Variants in PHLPP2 observed in about 807,000 individuals in gnomAD.
PHLPP2 encodes the protein PH domain leucine-rich repeat-containing protein phosphatase 2.
PHLPP2 carries 66 observed loss-of-function variants against 124.9 expected under a neutral mutation model. The observed-to-expected ratio is 0.53, with a 90% CI of 0.43 to 0.65. The LOEUF (loss-of-function observed/expected upper bound fraction) is 0.65, where lower values mean the gene tolerates loss of function less well. Among genes scored for constraint, PHLPP2 ranks in the 30% least tolerant of loss-of-function variants. The pLI is 0.00. For missense variants in PHLPP2, 1,685 were observed against 1,600.4 expected, an observed-to-expected ratio of 1.05 and a Z score of -0.90; for synonymous variants, 681 against 624.7, an observed-to-expected ratio of 1.09 and a Z score of -1.34.
intron 3 of PHLPP2, among the ~76,000 whole-genome samples, chr16:71,694,941 C>T (rs1026187864): frequency 1.1e-4 from 16 of 152,110 alleles, no homozygotes; most frequent in African/African-American, 2.9e-4. Context: ...CCTGCCACCA[C>T]GCCCGGCTAA....
intron 3 of PHLPP2, among the ~76,000 whole-genome samples, chr16:71,700,169 G>A (rs1407741409): frequency 6.6e-6 from 1 of 152,148 alleles, no homozygotes; most frequent in East Asian, 1.9e-4. Context: ...GGCCAAGATA[G>A]GAGGATCACT....
intron 2 of PHLPP2, among the ~76,000 whole-genome samples, chr16:71,707,601 T>C (rs2045286692): frequency 6.6e-6 from 1 of 152,100 alleles, no homozygotes; most frequent in Non-Finnish European, 1.5e-5. Context: ...ATAAAAACAT[T>C]GTACTGAACA....
intron 4 of PHLPP2, among the ~76,000 whole-genome samples, chr16:71,685,734 G>C (rs2045048980): frequency 1.3e-5 from 2 of 152,024 alleles, no homozygotes; most frequent in South Asian, 4.1e-4. Flanking sequence ...ATTTTATTTT[G>C]GAATGCTTGA....
rs1044457559 is a variant in PHLPP2 at position 71,646,652 on chromosome 16, T to C, written c.*2238A>G. On this transcript the variant is annotated 3_prime_UTR_variant, in exon 19 of 19. Transcript: ENST00000568954. Reference sequence around the variant, plus strand: ...GGTTCTGCCATCTAAGTAAGATGTTTTACATCACTCATCACTATCATCCTG... The same window carrying C: ...GGTTCTGCCATCTAAGTAAGATGTTCTACATCACTCATCACTATCATCCTG... 59 of 151,094 alleles carry C rather than the reference T, an allele frequency of 3.9e-4. No individual in the cohort carries two copies. The highest frequency in any genetic ancestry group is 3.4e-3 in the Middle Eastern group (1 of 290). The allele number at this position is 151,094 out of a possible 1,614,324, so 9.4% of individuals were successfully genotyped here. A position where few individuals can be genotyped will look rare whatever the true frequency, so the allele number is the denominator to read the frequency against.
At position 71,648,816 on chromosome 16, in the gene PHLPP2, G is replaced by A. The variant is rs1183052242; in HGVS notation, c.*74C>T. 23 of 1,005,780 alleles carry A rather than the reference G, an allele frequency of 2.3e-5. No homozygotes were observed. The East Asian group carries it at 5.3e-4, about 23-fold the overall frequency. 62.3% of individuals were successfully genotyped at this position (1,005,780 alleles called of 1,614,324 possible). A position where few individuals can be genotyped will look rare whatever the true frequency, so the allele number is the denominator to read the frequency against. On this transcript the variant is annotated 3_prime_UTR_variant, in exon 19 of 19. Transcript: ENST00000568954. ...AAACGAACAAACAAAAAGAAATGTA[G>A]AGGCAGAATGCCTCTAGCAAGTCCC...
In PHLPP2 at chr16:71,648,643, G is replaced by T. The variant is rs1050837431; in HGVS notation, c.*247C>A. 6 of 481,820 alleles carry T rather than the reference G, an allele frequency of 1.2e-5. No homozygotes were observed. Among genetic ancestry groups the T allele is most frequent in the East Asian group, 3.1e-5 (1 of 32,356 alleles). 29.8% of individuals were successfully genotyped at this position (481,820 alleles called of 1,614,324 possible). On this transcript the variant is annotated 3_prime_UTR_variant, in exon 19 of 19. Coordinates refer to ENST00000568954, the MANE Select transcript of PHLPP2 (RefSeq NM_015020.3). Reference sequence around the variant, plus strand: ...AAAACTTAGCCGGGCATAATGGCAGGTGCCTGTAATCCCAGCTACTCGGGA... The same window carrying T: ...AAAACTTAGCCGGGCATAATGGCAGTTGCCTGTAATCCCAGCTACTCGGGA...
intron 3 of PHLPP2, among the ~76,000 whole-genome samples, chr16:71,697,792 G>T (rs2045187979): frequency 6.6e-6 from 1 of 150,682 alleles, no homozygotes; most frequent in Non-Finnish European, 1.5e-5. Context: ...CAAATAAGAG[G>T]TTTGCTCTTT....
At chr16:71,663,300 A>C (rs2044809500) in intron 13 of PHLPP2, among the ~76,000 whole-genome samples, 1 of 152,152 alleles carries the variant, frequency 6.6e-6, no homozygotes, top group African/African-American at 2.4e-5. Context: ...TTTAGTAGAG[A>C]TGGGGTTTCA....
intron 3 of PHLPP2, among the ~76,000 whole-genome samples, chr16:71,692,858 T>G (rs1159065546): frequency 6.6e-6 from 1 of 152,192 alleles, no homozygotes; most frequent in African/African-American, 2.4e-5. Context: ...TGATCCATTG[T>G]GGATATGGAC....
intron 2 of PHLPP2, among the ~76,000 whole-genome samples, chr16:71,712,535 A>G (rs181234607): frequency 1.3e-5 from 2 of 152,322 alleles, no homozygotes; most frequent in Admixed American, 1.3e-4. Flanking sequence ...ATCAATCACT[A>G]CCAGATATAA....
chr16:71,705,559 T>C (rs1256140923), intron 2 of PHLPP2, among the ~76,000 whole-genome samples: 2 of 152,202 alleles, frequency 1.3e-5, no homozygotes, highest in African/African-American at 4.8e-5. Context: ...TTGCCCAGGC[T>C]GGAGTGCAGT....
chr16:71,670,762 T>C (rs76969596), intron 10 of PHLPP2, among the ~76,000 whole-genome samples: 2,153 of 135,226 alleles, frequency 0.016, 52 homozygotes, highest in Non-Finnish European at 0.018. Flanking sequence ...AGGACAATAA[T>C]GACGACGAAC....
intron 5 of PHLPP2, 140 bp downstream of exon 5, chr16:71,684,336 G>C (rs1032486064): frequency 1.6e-5 from 12 of 730,186 alleles, no homozygotes; most frequent in Admixed American, 7.0e-5. Flanking sequence ...ATGTTGGTCA[G>C]ACTGGTCTCG....
intron 1 of PHLPP2, chr16:71,723,920 C>T (rs936447799): frequency 2.3e-4 from 164 of 706,828 alleles, no homozygotes; most frequent in Non-Finnish European, 2.8e-4. Flanking sequence ...CGTGCGGAGC[C>T]TCGGCGGCGC....
intron 17 of PHLPP2, among the ~76,000 whole-genome samples, chr16:71,654,197 C>G (rs1159058688): frequency 9.6e-5 from 2 of 20,926 alleles, no homozygotes; most frequent in South Asian, 6.2e-3. Context: ...GACTCCGTCT[C>G]AAAAAAGAAA....
chr16:71,676,396 C>T (rs374920842), intron 9 of PHLPP2, 51 bp downstream of exon 9: 293 of 1,423,608 alleles, frequency 2.1e-4, no homozygotes, highest in Non-Finnish European at 2.8e-4. Context: ...TCTCAGAAAG[C>T]ACTGACAACA....
chr16:71,653,060 G>C (rs775422308), intron 17 of PHLPP2, 39 bp from the exon 18 acceptor site: 1 of 1,088,536 alleles, frequency 9.2e-7, no homozygotes, highest in East Asian at 2.6e-5. Flanking sequence ...GTGGTGGCTA[G>C]TTTTAGAAGA....
intron 4 of PHLPP2, among the ~76,000 whole-genome samples, chr16:71,685,386 G>A (rs979749020): frequency 6.6e-6 from 1 of 152,174 alleles, no homozygotes; most frequent in Non-Finnish European, 1.5e-5. Flanking sequence ...GCTTTGATGA[G>A]GAAGCAGTCT....
chr16:71,653,905 CA>C (rs1451526312), intron 17 of PHLPP2, among the ~76,000 whole-genome samples: 1 of 151,998 alleles, frequency 6.6e-6, no homozygotes, highest in African/African-American at 2.4e-5. Context: ...ACTAAAAATA[CA>C]AAAAATTAGC....
Sources: gnomAD v4.1 joint callset for allele counts (sites outside exome capture counted in the v4.1 genomes callset) on GRCh38, gnomAD v4.1.1 for gene constraint, MANE v1.5 for transcripts, NCBI Gene and HGNC (gene_info 2026-07-23, HGNC 2026-07-21) for gene names.